The following CARD9 variants were observed in gnomAD, a reference collection of about 807,000 sequenced individuals.
The protein encoded by CARD9 is caspase recruitment domain family member 9, also known as caspase recruitment domain-containing protein 9.
In CARD9, 53 loss-of-function variants were observed where a neutral mutation model predicts 66.0. That is an observed-to-expected ratio of 0.80 (90% CI 0.64 to 1.01). The LOEUF is 1.01. Among genes scored for constraint, CARD9 ranks in the 50% least tolerant of loss-of-function variants. CARD9 has a pLI of 0.00. For synonymous variants in CARD9, 387 were observed against 313.8 expected (o/e 1.23, Z -2.47); for missense variants, 769 against 743.2 (o/e 1.03, Z -0.40).
intron 7 of CARD9, among the ~76,000 whole-genome samples, chr9:136,369,149 T>G (rs1025794097): frequency 1.3e-5 from 2 of 151,938 alleles, no homozygotes; most frequent in African/African-American, 4.8e-5. Context: ...AGAGCAGGGA[T>G]CTCACCGTGT....
At chr9:136,370,241 C>A (rs566227526) in intron 6 of CARD9, 53 bp downstream of exon 6, 3 of 1,578,166 alleles carry the variant, frequency 1.9e-6, no homozygotes, top group Admixed American at 1.7e-5. Context: ...GAGCTCAGCC[C>A]GTCCAGCCTG....
chr9:136,369,112 G>A (rs1018715964), intron 7 of CARD9, among the ~76,000 whole-genome samples: 8 of 152,182 alleles, frequency 5.3e-5, no homozygotes, highest in Admixed American at 1.3e-4. Flanking sequence ...GAGCCACCGC[G>A]CCAGGCCAAT....
chr9:136,365,363 T>G, intron 10 of CARD9, 146 bp from the exon 11 acceptor site: 1 of 728,770 alleles, frequency 1.4e-6, no homozygotes, highest in African/African-American at 1.7e-5. Context: ...GACTCTGCTT[T>G]CTGTAGATGA....
In CARD9 at chr9:136,364,059, G is replaced by GT; in HGVS notation, c.*242dup. On this transcript the variant is annotated 3_prime_UTR_variant, in exon 13 of 13. Transcript: ENST00000371732. Reference sequence around the variant, plus strand: ...ATGGTGAAACAGAACAGATCCTGAAGTTACACAGATGGCGTGTGCATGGGG... The same window carrying GT: ...ATGGTGAAACAGAACAGATCCTGAAGTTTACACAGATGGCGTGTGCATGGGG... The GT allele has an allele frequency of 6.5e-7, 1 of 1,540,294 alleles. No individual in the cohort carries two copies. Among genetic ancestry groups the GT allele is most frequent in the Non-Finnish European group, 8.8e-7 (1 of 1,137,580 alleles).
rs1300500422 is a variant in CARD9, at chr9:136,364,568, G to A, written c.1435-9C>T. ...CTGCTCAGGCCTGCGTCCTGGAGAA[G>A]GGGGAAGGCTCGGGCTCCGGCCGGC... is the stretch of plus-strand genomic sequence containing the variant. On this transcript the variant is annotated splice_polypyrimidine_tract_variant and intron_variant, in intron 11 of 12. Coordinates refer to ENST00000371732, the MANE Select transcript of CARD9 (RefSeq NM_052813.5). 3 of 1,536,666 alleles carry A rather than the reference G, an allele frequency of 2.0e-6. No homozygotes were observed. Among genetic ancestry groups the A allele is most frequent in the Admixed American group, 3.9e-5 (2 of 50,852 alleles).
In CARD9 at chr9:136,367,569, G is replaced by A. The variant is rs752111756; in HGVS notation, c.1269+68C>T. 9.4e-6 allele frequency: 14 copies of A among 1,487,148 alleles called. No individual in the cohort carries two copies. In the Admixed American group the frequency reaches 2.7e-4, roughly 29 times the overall value. The allele number at this position is 1,487,148 out of a possible 1,614,324, so 92.1% of individuals were successfully genotyped here. A position where few individuals can be genotyped will look rare whatever the true frequency, so the allele number is the denominator to read the frequency against. The stretch of plus-strand genomic sequence containing the variant: ...TTGGGTCGGGAAGGCCGGGGCTGAG[G>A]CTCCGTGCTCCCCTGGCCCTGCATC... On this transcript the variant is annotated intron_variant, in intron 8 of 12. Transcript: ENST00000371732.
chr9:136,370,678 G>T lies in CARD9; in HGVS notation c.651C>A (p.Leu217=). The T allele has an allele frequency of 1.2e-6, 2 of 1,612,790 alleles. No individual in the cohort carries two copies. The highest frequency in any genetic ancestry group is 4.5e-5 in the East Asian group (2 of 44,870). Residue 217 remains leucine, a synonymous_variant, in exon 5 of 13, where the codon CTC becomes CTA. Coordinates refer to ENST00000371732, the MANE Select transcript of CARD9 (RefSeq NM_052813.5). ...QLEIDQLKHS[L]MKAEDDCKVE... is the part of the protein sequence containing the mutation. Reference sequence around the variant, plus strand: ...CCTTGCAGTCGTCCTCGGCCTTCATGAGGCTGTGCTTGAGCTGGTCAATCT... The same window carrying T: ...CCTTGCAGTCGTCCTCGGCCTTCATTAGGCTGTGCTTGAGCTGGTCAATCT...
intron 2 of CARD9, 65 bp from the exon 3 acceptor site, chr9:136,371,526 G>GGGGGGGGGGGGC: frequency 1.9e-6 from 1 of 516,014 alleles, no homozygotes; most frequent in Non-Finnish European, 3.6e-6. Context: ...GGGTGGGTGG[G>GGGGGGGGGGGGC]CCTGGGGGCA....
rs1833052897 is a variant in CARD9, at chr9:136,364,118, G to A, written c.*184C>T. 6.4e-7 allele frequency: 1 copy of A among 1,550,570 alleles called. No individual in the cohort carries two copies. On this transcript the variant is annotated 3_prime_UTR_variant, in exon 13 of 13. Coordinates refer to ENST00000371732, the MANE Select transcript of CARD9 (RefSeq NM_052813.5). ...CACCCGCATGGCCTCCGCAAAATGA[G>A]TGCCGCTTAACAAACGGCCCCAATG...
chr9:136,371,928 C>G lies in CARD9; in HGVS notation c.151G>C (p.Asp51His). 6.2e-7 allele frequency: 1 copy of G among 1,607,408 alleles called. No homozygotes were observed. Among genetic ancestry groups the G allele is most frequent in the Non-Finnish European group, 8.5e-7 (1 of 1,175,496 alleles). Residue 51 changes from aspartate (D) to histidine (H), a missense_variant, in exon 2 of 13, where the codon GAC (aspartate) becomes CAC (histidine). Transcript: ENST00000371732. ...CGTTTGCGGATGACCAGGTTGGGGT[C>G]GCTGAGCACCTGCTCCTCATCATCG... ...NPDDEEQVLS[D>H]PNLVIRKRKV...
chr9:136,365,473 G>A (rs377474486), intron 10 of CARD9: 7 of 561,632 alleles, frequency 1.2e-5, no homozygotes, highest in South Asian at 4.2e-5. Flanking sequence ...TCCCTCCCCC[G>A]AGCTGGCTGC....
In CARD9 at chr9:136,370,066, C is replaced by G. The variant is rs902968652; in HGVS notation, c.952-191G>C. 14 of 1,398,264 alleles carry G rather than the reference C, an allele frequency of 1.0e-5. No homozygotes were observed. The African/African-American group carries it at 2.0e-4, about 20-fold the overall frequency. The allele number at this position is 1,398,264 out of a possible 1,614,324, so 86.6% of individuals were successfully genotyped here. On this transcript the variant is annotated intron_variant, in intron 6 of 12. Coordinates refer to ENST00000371732, the MANE Select transcript of CARD9 (RefSeq NM_052813.5). ...GGCAGGACAGGGCCCTCCGGCAGGC[C>G]TCAGACACTGCTGTGCCTCAGGCAC...
At chr9:136,364,699 C>G in intron 11 of CARD9, 140 bp from the exon 12 acceptor site, 2 of 826,770 alleles carry the variant, frequency 2.4e-6, no homozygotes, top group Non-Finnish European at 3.7e-6. Flanking sequence ...GCGCCAAGCT[C>G]TCCCTGTGGG....
At chr9:136,370,777 C>T (rs776391777) in intron 4 of CARD9, 64 bp downstream of exon 4, 1 of 1,605,410 alleles carries the variant, frequency 6.2e-7, no homozygotes, top group Non-Finnish European at 8.5e-7. Flanking sequence ...CCCGACCGCC[C>T]CGGCCTGCAG....
In CARD9 at chr9:136,364,066, A is replaced by G. The variant is rs556390591; in HGVS notation, c.*236T>C. 1.9e-6 allele frequency: 3 copies of G among 1,545,268 alleles called. No homozygotes were observed. The highest frequency in any genetic ancestry group is 2.7e-5 in the African/African-American group (2 of 73,080). Reference sequence around the variant, plus strand: ...AACAGAACAGATCCTGAAGTTACACAGATGGCGTGTGCATGGGGGTGGTGA... The same window carrying G: ...AACAGAACAGATCCTGAAGTTACACGGATGGCGTGTGCATGGGGGTGGTGA... On this transcript the variant is annotated 3_prime_UTR_variant, in exon 13 of 13. Coordinates refer to ENST00000371732, the MANE Select transcript of CARD9 (RefSeq NM_052813.5).
At position 136,366,854 on chromosome 9, in the gene CARD9, G is replaced by C; in HGVS notation, c.1312-9C>G. ...TCCTGGGGGAGTGAGAGCTTCCAAA[G>C]AGAGTCAAGATGTCCCATTAGGCCA... On this transcript the variant is annotated splice_polypyrimidine_tract_variant and intron_variant, in intron 9 of 12. Transcript: ENST00000371732. 8.1e-6 allele frequency: 13 copies of C among 1,612,848 alleles called. No individual in the cohort carries two copies. The highest frequency in any genetic ancestry group is 1.1e-5 in the Non-Finnish European group (13 of 1,179,916).
At position 136,370,292 on chromosome 9, in the gene CARD9, A is replaced by T. The variant is rs1833227512; in HGVS notation, c.951+2T>A. 1 of 1,600,744 alleles carries T rather than the reference A, an allele frequency of 6.2e-7. No individual in the cohort carries two copies. Among genetic ancestry groups the T allele is most frequent in the Non-Finnish European group, 8.5e-7 (1 of 1,178,370 alleles). ...GCCATGTCTCCCCGCCTGCCCTCCT[A>T]CCCGGAGGCGTCGGGCCTCGCCCTG... On this transcript the variant is annotated splice_donor_variant, in intron 6 of 12. Coordinates refer to ENST00000371732, the MANE Select transcript of CARD9 (RefSeq NM_052813.5). LOFTEE classifies it high-confidence loss of function.
intron 10 of CARD9, chr9:136,365,512 C>T (rs946056226): frequency 9.5e-6 from 5 of 527,830 alleles, no homozygotes; most frequent in Middle Eastern, 5.2e-4. Context: ...TCCCAGACCT[C>T]GGGGGAACTT....
Position 136,370,401 on chromosome 9 carries a change from C to T in CARD9, c.844G>A (p.Val282Ile), listed in dbSNP as rs1833234419. The change falls in exon 6 of 13, where the codon GTA (valine) becomes ATA (isoleucine). Residue 282 changes from valine (V) to isoleucine (I), a missense_variant. Physicochemically the swap from Val to Ile is conservative, Grantham distance 29. Coordinates refer to ENST00000371732, the MANE Select transcript of CARD9 (RefSeq NM_052813.5). ...GCCTGCCGCCAGTCCTCCTCCAGTA[C>T]CTGGATGTAGGGGCTGCTCCTGTCC... ...KLDRSSPYIQ[V>I]LEEDWRQALR... 3.7e-6 allele frequency: 6 copies of T among 1,611,324 alleles called. No individual in the cohort carries two copies. The highest frequency in any genetic ancestry group is 1.1e-5 in the South Asian group (1 of 90,712).
Sources: allele counts gnomAD v4.1 joint callset (sites outside exome capture counted in the v4.1 genomes callset), GRCh38; gene constraint gnomAD v4.1.1; transcripts MANE v1.5; gene names NCBI Gene and HGNC (gene_info 2026-07-23, HGNC 2026-07-21).